The following ORC5 variants were observed in gnomAD, a reference collection of about 807,000 sequenced individuals.
The protein encoded by ORC5 is protein phosphatase 1, regulatory subunit 117.
A neutral mutation model predicts 58.8 loss-of-function variants in ORC5; 39 were observed. The observed-to-expected ratio is 0.66, with a 90% CI of 0.51 to 0.87. The LOEUF (loss-of-function observed/expected upper bound fraction) is 0.87, where lower values mean the gene tolerates loss of function less well. Among genes scored for constraint, ORC5 ranks in the 40% least tolerant of loss-of-function variants. The pLI, the probability that ORC5 is intolerant of heterozygous loss-of-function variation, is 0.00. For missense variants in ORC5, 493 were observed against 506.3 expected (o/e 0.97, Z 0.25); for synonymous variants, 218 against 177.6 (o/e 1.23, Z -1.81).
intron 12 of ORC5, among the ~76,000 whole-genome samples, chr7:104,158,893 G>C (rs1384214463): frequency 6.6e-6 from 1 of 151,648 alleles, no homozygotes; most frequent in Non-Finnish European, 1.5e-5. Flanking sequence ...CTGTAAACTA[G>C]TTCAACCAAT....
intron 6 of ORC5, among the ~76,000 whole-genome samples, chr7:104,184,674 G>T (rs1562823019): frequency 7.2e-6 from 1 of 139,626 alleles, no homozygotes; most frequent in South Asian, 2.1e-4. Flanking sequence ...GCAAGCACAA[G>T]AACAGCCCTG....
intron 3 of ORC5, 24 bp from the exon 4 acceptor site, chr7:104,197,823 CAAAA>C: frequency 6.9e-7 from 1 of 1,440,496 alleles, no homozygotes; most frequent in Admixed American, 2.2e-5. Flanking sequence ...AAAAACAAAA[CAAAA>C]AGAAATGCAT....
At chr7:104,134,451 G>C (rs866167918) in intron 13 of ORC5, among the ~76,000 whole-genome samples, 1 of 146,598 alleles carries the variant, frequency 6.8e-6, no homozygotes. Context: ...AAATTAGGTG[G>C]AAAAGAAGTC....
In ORC5 at chr7:104,129,324, T is replaced by C. The variant is rs1044781434; in HGVS notation, c.1263-2431A>G. 7.2e-5 allele frequency among the ~76,000 whole-genome samples: 11 copies of C among 152,208 alleles called. No individual in the cohort carries two copies. The highest frequency in any genetic ancestry group is 4.1e-4 in the South Asian group (2 of 4,832). On this transcript the variant is annotated intron_variant, in intron 13 of 13. Transcript: ENST00000297431. This position sits in a 1 kb window ranked among gnomAD's most constrained non-coding sequence, Gnocchi z 4.9. ...TTAAATGTTCATAAAACTTTCATTA[T>C]ATTCCCTTTCTGTACTTTGTCAGTG...
At chr7:104,184,432 C>T (rs968666029) in intron 6 of ORC5, 8 of 384,526 alleles carry the variant, frequency 2.1e-5, no homozygotes, top group African/African-American at 1.4e-4. Flanking sequence ...GCACTCCAGC[C>T]TGGACAACAT....
At chr7:104,164,526 G>C (rs1344684834) in intron 11 of ORC5, among the ~76,000 whole-genome samples, 1 of 152,206 alleles carries the variant, frequency 6.6e-6, no homozygotes, top group Admixed American at 6.5e-5. Flanking sequence ...GGAAGTCCTG[G>C]AATTGAGCAA....
chr7:104,184,209 C>A, intron 6 of ORC5, 38 bp from the exon 7 acceptor site: 1 of 1,251,552 alleles, frequency 8.0e-7, no homozygotes, highest in Non-Finnish European at 1.1e-6. Context: ...AAAAAAAGCA[C>A]TGATCGATCA....
chr7:104,137,572 G>A (rs535202605), intron 12 of ORC5, among the ~76,000 whole-genome samples: 2 of 152,090 alleles, frequency 1.3e-5, no homozygotes, highest in African/African-American at 2.4e-5. Context: ...TAAAAACCCC[G>A]AGACCCTAGC....
chr7:104,142,582 AAATC>A (rs1431182263), intron 12 of ORC5, among the ~76,000 whole-genome samples: 1 of 152,222 alleles, frequency 6.6e-6, no homozygotes, highest in Non-Finnish European at 1.5e-5. Flanking sequence ...AAGACTGAAA[AAATC>A]AAACTGCATT....
chr7:104,179,193 C>T (rs1799384808), intron 8 of ORC5, among the ~76,000 whole-genome samples: 1 of 150,074 alleles, frequency 6.7e-6, no homozygotes, highest in Admixed American at 6.6e-5. Flanking sequence ...AAGCAATTGT[C>T]CTGCCTTGGC....
At chr7:104,190,444 G>T (rs887344490) in intron 5 of ORC5, among the ~76,000 whole-genome samples, 1 of 151,942 alleles carries the variant, frequency 6.6e-6, no homozygotes, top group African/African-American at 2.4e-5. Context: ...TGTATAAAAC[G>T]TATTTTCTCC....
chr7:104,206,871 G>C (rs550722980), intron 1 of ORC5, among the ~76,000 whole-genome samples: 1 of 152,290 alleles, frequency 6.6e-6, no homozygotes, highest in Admixed American at 6.5e-5. Context: ...CCGCTGTAGA[G>C]GTTTATAGCC....
chr7:104,166,736 TA>T (rs747839282), intron 10 of ORC5, 35 bp downstream of exon 10: 2 of 1,164,916 alleles, frequency 1.7e-6, no homozygotes, highest in Admixed American at 2.0e-5. Flanking sequence ...CCTGGGATCT[TA>T]AAAAATAAAG....
intron 12 of ORC5, among the ~76,000 whole-genome samples, chr7:104,141,530 C>T (rs1185206561): frequency 6.6e-6 from 1 of 152,092 alleles, no homozygotes; most frequent in Non-Finnish European, 1.5e-5. Flanking sequence ...ATTTTCAAAA[C>T]CAAAAATCAT....
chr7:104,206,543 A>G (rs1800089009), intron 1 of ORC5, among the ~76,000 whole-genome samples: 1 of 152,214 alleles, frequency 6.6e-6, no homozygotes, highest in Non-Finnish European at 1.5e-5. Context: ...TAATATAACT[A>G]TAATTGAAAG....
At chr7:104,189,545 G>GAC (rs1234387796) in intron 5 of ORC5, among the ~76,000 whole-genome samples, 1 of 152,066 alleles carries the variant, frequency 6.6e-6, no homozygotes, top group Non-Finnish European at 1.5e-5. Context: ...AAGGGCTAAA[G>GAC]ACTGAATCCA....
At position 104,135,481 on chromosome 7, in the gene ORC5, G is replaced by A. The variant is rs182959511; in HGVS notation, c.1262+1300C>T. On this transcript the variant is annotated intron_variant, in intron 13 of 13. Transcript: ENST00000297431. Reference sequence around the variant, plus strand: ...ACTTAAAAACATTTTTTATAGAGACGGGGGTCTCACTACGTTGCCCAGGCT... The same window carrying A: ...ACTTAAAAACATTTTTTATAGAGACAGGGGTCTCACTACGTTGCCCAGGCT... Among the ~76,000 whole-genome samples the A allele has an allele frequency of 5.9e-5, 9 of 151,982 alleles. No individual in the cohort carries two copies. The East Asian group carries it at 1.2e-3, about 20-fold the overall frequency.
At chr7:104,204,856 C>T (rs781539678) in intron 1 of ORC5, among the ~76,000 whole-genome samples, 57 of 152,074 alleles carry the variant, frequency 3.7e-4, no homozygotes, top group Non-Finnish European at 7.6e-4. Flanking sequence ...ATTAGGTTAG[C>T]AGCTTAGAGA....
intron 8 of ORC5, among the ~76,000 whole-genome samples, chr7:104,174,006 G>C (rs1357812673): frequency 6.6e-6 from 1 of 150,922 alleles, no homozygotes; most frequent in Non-Finnish European, 1.5e-5. Flanking sequence ...CACTACGCCC[G>C]GCTAATTTTT....
Sources: allele counts gnomAD v4.1 joint callset (sites outside exome capture counted in the v4.1 genomes callset), GRCh38; gene constraint gnomAD v4.1.1; non-coding constraint Gnocchi (gnomAD v3.1); transcripts MANE v1.5; gene names NCBI Gene and HGNC (gene_info 2026-07-23, HGNC 2026-07-21).